GRAP2: variants seen among roughly 807,000 people sequenced by gnomAD.
GRAP2 encodes GRB2-related adapter protein 2.
Under a neutral mutation model 43.5 loss-of-function variants are expected in GRAP2, and 31 were observed. The observed-to-expected ratio is 0.71, with a 90% CI of 0.54 to 0.96. The LOEUF (loss-of-function observed/expected upper bound fraction) is 0.96, where lower values mean the gene tolerates loss of function less well. GRAP2 is among the 40% of genes least tolerant of loss of function. GRAP2 has a pLI of 0.00. For synonymous variants in GRAP2, 156 were observed against 164.8 expected (o/e 0.95, Z 0.41); for missense variants, 371 against 424.4 (o/e 0.87, Z 1.11).
intron 1 of GRAP2, among the ~76,000 whole-genome samples, chr22:39,904,429 A>G (rs1028921363): frequency 2.0e-5 from 3 of 152,166 alleles, no homozygotes; most frequent in African/African-American, 7.2e-5. Flanking sequence ...ATAGTGAGAA[A>G]ATAACTGAAC....
intron 1 of GRAP2, among the ~76,000 whole-genome samples, chr22:39,920,943 GACACACACAC>G (rs137974): frequency 0.065 from 9,261 of 142,494 alleles, 818 homozygotes; most frequent in African/African-American, 0.2. Context: ...TCTCTACACA[GACACACACAC>G]ACACACACAC....
intron 2 of GRAP2, among the ~76,000 whole-genome samples, chr22:39,952,516 G>A (rs2267420): frequency 0.13 from 19,216 of 152,100 alleles, 1,534 homozygotes; most frequent in Middle Eastern, 0.18. Flanking sequence ...GCTACGAGGC[G>A]CTGCTGCTGG....
intron 1 of GRAP2, among the ~76,000 whole-genome samples, chr22:39,940,841 T>C (rs137989): frequency 0.29 from 44,539 of 151,994 alleles, 7,923 homozygotes; most frequent in African/African-American, 0.5. Context: ...AATGTTAAAA[T>C]TGATGCGCCT....
rs6001709 is a variant in GRAP2 at position 39,954,722 on chromosome 22, G to A, written c.79-1097G>A. 8.8e-3 allele frequency among the ~76,000 whole-genome samples: 1,346 copies of A among 152,190 alleles called. 16 individuals carry two copies. The highest frequency in any genetic ancestry group is 0.031 in the African/African-American group (1,278 of 41,504). Reference sequence around the variant, plus strand: ...AGACTTTCAAAACATTCTCAGTGGCGGTGTCAAATATTTTGTCTTTTAATG... The same window carrying A: ...AGACTTTCAAAACATTCTCAGTGGCAGTGTCAAATATTTTGTCTTTTAATG... On this transcript the variant is annotated intron_variant, in intron 2 of 7. Transcript: ENST00000344138.
Position 39,972,173 on chromosome 22 carries a change from T to C in GRAP2, c.*1089T>C, listed in dbSNP as rs919178101. 1 of 152,488 alleles carries C rather than the reference T, an allele frequency of 6.6e-6. No homozygotes were observed. The highest frequency in any genetic ancestry group is 2.1e-4 in the South Asian group (1 of 4,834). 9.4% of individuals were successfully genotyped at this position (152,488 alleles called of 1,614,324 possible). On this transcript the variant is annotated 3_prime_UTR_variant, in exon 8 of 8. Coordinates refer to ENST00000344138, the MANE Select transcript of GRAP2 (RefSeq NM_004810.4). ...GCACCTGGAGCAAGGAACCCCACCA[T>C]GGCTGTCGCTCTCCATCCCATCACG...
chr22:39,945,716 C>G (rs1295551637), intron 1 of GRAP2, among the ~76,000 whole-genome samples: 1 of 152,160 alleles, frequency 6.6e-6, no homozygotes, highest in Non-Finnish European at 1.5e-5. Context: ...GAGAAAAGTT[C>G]ATAGGAGATG....
chr22:39,962,336 T>G (rs1212613413), intron 4 of GRAP2, among the ~76,000 whole-genome samples: 1 of 152,004 alleles, frequency 6.6e-6, no homozygotes, highest in Non-Finnish European at 1.5e-5. Flanking sequence ...GTTAAAGGAT[T>G]GTTGGAGCTG....
upstream of GRAP2, among the ~76,000 whole-genome samples, chr22:39,897,765 C>T (rs780979937): frequency 7.9e-5 from 12 of 151,992 alleles, no homozygotes; most frequent in African/African-American, 1.2e-4. Flanking sequence ...GTGATCCATC[C>T]GCCTCAGTCT....
At chr22:39,950,198 G>T (rs764767692) in intron 2 of GRAP2, among the ~76,000 whole-genome samples, 3 of 151,968 alleles carry the variant, frequency 2.0e-5, no homozygotes, top group Non-Finnish European at 4.4e-5. Flanking sequence ...TGGAAACCTC[G>T]CTGGTCCTCT....
At chr22:39,949,740 G>A (rs2066961959) in intron 2 of GRAP2, among the ~76,000 whole-genome samples, 1 of 152,156 alleles carries the variant, frequency 6.6e-6, no homozygotes, top group Non-Finnish European at 1.5e-5. Context: ...AGGATTCGAG[G>A]TGATGACCCT....
chr22:39,957,951 T>G (rs2067075622), intron 3 of GRAP2, among the ~76,000 whole-genome samples: 1 of 151,672 alleles, frequency 6.6e-6, no homozygotes. Context: ...AAAAAAAAAT[T>G]TAAATAAATA....
chr22:39,949,902 C>A (rs774825726), intron 2 of GRAP2, among the ~76,000 whole-genome samples: 4 of 152,140 alleles, frequency 2.6e-5, no homozygotes, highest in Non-Finnish European at 5.9e-5. Context: ...CTTACTAGTC[C>A]CAGAGGGATC....
intron 3 of GRAP2, among the ~76,000 whole-genome samples, chr22:39,956,816 G>A (rs1425692442): frequency 6.6e-6 from 1 of 152,188 alleles, no homozygotes; most frequent in Non-Finnish European, 1.5e-5. Flanking sequence ...ATTATCTATA[G>A]TGATTTCAAT....
intron 4 of GRAP2, among the ~76,000 whole-genome samples, chr22:39,962,933 T>C (rs1209862277): frequency 6.6e-6 from 1 of 152,010 alleles, no homozygotes; most frequent in Admixed American, 6.6e-5. Context: ...CCTCCCAAAG[T>C]GCTAGGATTA....
chr22:39,968,252 C>A lies in GRAP2; in HGVS notation c.670C>A (p.Gln224Lys). ...GCAGCCCCCACAGCAGCGATATCTG[C>A]AGCACCACCATTTCCACCAGGTATC... is the stretch of plus-strand genomic sequence containing the variant. Reference protein sequence around the residue: ...LQQPPQQRYLQHHHFHQERRG... With the variant: ...LQQPPQQRYLKHHHFHQERRG... Residue 224 changes from glutamine to lysine, a missense_variant, in exon 6 of 8, where the codon CAG becomes AAG. Coordinates refer to ENST00000344138, the MANE Select transcript of GRAP2 (RefSeq NM_004810.4). The A allele has an allele frequency of 3.7e-6, 6 of 1,612,526 alleles. No homozygotes were observed. Among genetic ancestry groups the A allele is most frequent in the Non-Finnish European group, 5.1e-6 (6 of 1,178,610 alleles).
In GRAP2 at chr22:39,972,619, C is replaced by G. The variant is rs1313052674; in HGVS notation, c.*1535C>G. ...GGGGGCAGCCGTTATTGAAGGTGAT[C>G]GGAGAAGAAAGATTTTCTGACTCAG... On this transcript the variant is annotated 3_prime_UTR_variant, in exon 8 of 8. Coordinates refer to ENST00000344138, the MANE Select transcript of GRAP2 (RefSeq NM_004810.4). The G allele has an allele frequency of 6.6e-6, 1 of 152,180 alleles. No individual in the cohort carries two copies. The highest frequency in any genetic ancestry group is 2.4e-5 in the African/African-American group (1 of 41,440). 9.4% of individuals were successfully genotyped at this position (152,180 alleles called of 1,614,324 possible). A position where few individuals can be genotyped will look rare whatever the true frequency, so the allele number is the denominator to read the frequency against.
At chr22:39,913,899 G>A (rs1278333482) in intron 1 of GRAP2, among the ~76,000 whole-genome samples, 2 of 152,120 alleles carry the variant, frequency 1.3e-5, no homozygotes, top group Admixed American at 6.5e-5. Context: ...GGGATGTAAA[G>A]CGAGTGTCTT....
intron 1 of GRAP2, among the ~76,000 whole-genome samples, chr22:39,907,841 A>C (rs1827286280): frequency 6.6e-6 from 1 of 152,244 alleles, no homozygotes; most frequent in Middle Eastern, 3.2e-3. Flanking sequence ...CTCATTCTGC[A>C]GAGTGGGAAA....
At chr22:39,897,287 A>G (rs2066469558), upstream of GRAP2, among the ~76,000 whole-genome samples, 1 of 152,126 alleles carries the variant, frequency 6.6e-6, no homozygotes, top group Admixed American at 6.5e-5. Context: ...TTTGTCTCTT[A>G]TAGCTCTCAT....
Sources: allele counts gnomAD v4.1 joint callset (sites outside exome capture counted in the v4.1 genomes callset), GRCh38; gene constraint gnomAD v4.1.1; transcripts MANE v1.5; gene names NCBI Gene and HGNC (gene_info 2026-07-23, HGNC 2026-07-21).